PKIG: variants seen among roughly 807,000 people sequenced by gnomAD.
PKIG encodes the protein cAMP-dependent protein kinase inhibitor gamma.
Under a neutral mutation model 6.8 loss-of-function variants are expected in PKIG, and 1 was observed. That is an observed-to-expected ratio of 0.15 (90% CI 0.05 to 0.69). PKIG has a LOEUF of 0.69. Ranked by LOEUF, PKIG falls within the 30% of genes least tolerant of loss-of-function variation. The pLI is 0.82. For synonymous variants in PKIG, 39 were observed against 43.0 expected, an observed-to-expected ratio of 0.91 and a Z score of 0.36; for missense variants, 77 against 104.0, an observed-to-expected ratio of 0.74 and a Z score of 1.13.
chr20:44,558,671 CTCTT>C (rs747026586), intron 1 of PKIG, among the ~76,000 whole-genome samples: 22 of 143,280 alleles, frequency 1.5e-4, no homozygotes, highest in Middle Eastern at 3.6e-3. Context: ...CTTCCTCTCT[CTCTT>C]TCTTTCTTTC....
At chr20:44,548,872 AC>A (rs1366895608) in intron 1 of PKIG, among the ~76,000 whole-genome samples, 2 of 140,304 alleles carry the variant, frequency 1.4e-5, no homozygotes, top group Non-Finnish European at 3.0e-5. Context: ...ACACACACAC[AC>A]ACACACACAC....
chr20:44,566,401 G>T (rs1247822694), intron 1 of PKIG, among the ~76,000 whole-genome samples: 3 of 152,192 alleles, frequency 2.0e-5, no homozygotes, highest in Non-Finnish European at 4.4e-5. Flanking sequence ...AGTCCAGCAG[G>T]TGAGGTAAAT....
intron 1 of PKIG, among the ~76,000 whole-genome samples, chr20:44,538,038 C>A (rs750090459): frequency 6.6e-6 from 1 of 152,060 alleles, no homozygotes; most frequent in Non-Finnish European, 1.5e-5. Context: ...CTGACAGCCT[C>A]CTTTTGAGAG....
rs1179091449 is a variant in PKIG at position 44,571,930 on chromosome 20, G to A, written c.-240-10655G>A. Among the ~76,000 whole-genome samples the A allele has an allele frequency of 3.3e-5, 5 of 152,216 alleles. No individual in the cohort carries two copies. The East Asian group carries it at 9.6e-4, about 29-fold the overall frequency. On this transcript the variant is annotated intron_variant, in intron 1 of 4. Transcript: ENST00000372887. The stretch of plus-strand genomic sequence containing the variant: ...TACATATTGTGGATCTGTTCTGAAA[G>A]CCTTTAATCATCGTAGAAACGTTCT...
At chr20:44,585,861 C>G (rs1183834135) in intron 1 of PKIG, among the ~76,000 whole-genome samples, 2 of 152,138 alleles carry the variant, frequency 1.3e-5, no homozygotes, top group African/African-American at 2.4e-5. Flanking sequence ...CCGTTTCTTT[C>G]GATTTAGACA....
At position 44,614,484 on chromosome 20, in the gene PKIG, G is replaced by A; in HGVS notation, c.-23-50G>A. ...CTGGGGAACTGGAGCTGTCCTCTCT[G>A]CAGAATGCATCTGGACTTACCTCTG... On this transcript the variant is annotated intron_variant, in intron 2 of 3. Transcript: ENST00000372886. This position sits in a 1 kb window ranked among gnomAD's most constrained non-coding sequence, Gnocchi z 4.6. 1 of 1,391,068 alleles carries A rather than the reference G, an allele frequency of 7.2e-7. No homozygotes were observed. The highest frequency in any genetic ancestry group is 1.0e-6 in the Non-Finnish European group (1 of 992,022). The allele number at this position is 1,391,068 out of a possible 1,614,324, so 86.2% of individuals were successfully genotyped here. A position where few individuals can be genotyped will look rare whatever the true frequency, so the allele number is the denominator to read the frequency against.
intron 1 of PKIG, among the ~76,000 whole-genome samples, chr20:44,532,641 G>A (rs2064477141): frequency 6.6e-6 from 1 of 152,198 alleles, no homozygotes; most frequent in African/African-American, 2.4e-5. Flanking sequence ...TGGACATACA[G>A]GGGGGCTGTG....
intron 2 of PKIG, among the ~76,000 whole-genome samples, chr20:44,610,492 T>TCACACACACA (rs1568835327): frequency 6.9e-4 from 80 of 116,088 alleles, no homozygotes; most frequent in African/African-American, 3.2e-3. Context: ...CTCTTCTCTC[T>TCACACACACA]CTCTCTCTCA....
chr20:44,603,339 C>T (rs1334205701), intron 2 of PKIG, among the ~76,000 whole-genome samples: 1 of 152,210 alleles, frequency 6.6e-6, no homozygotes, highest in Admixed American at 6.5e-5. Context: ...TCACTTACTA[C>T]ACTTTTTGCA....
chr20:44,537,214 C>T (rs2064520579), intron 1 of PKIG, among the ~76,000 whole-genome samples: 1 of 152,228 alleles, frequency 6.6e-6, no homozygotes, highest in African/African-American at 2.4e-5. Context: ...AAGCGATTCT[C>T]ATGCCTCAGC....
At chr20:44,586,166 G>A (rs1189153231) in intron 1 of PKIG, among the ~76,000 whole-genome samples, 2 of 152,196 alleles carry the variant, frequency 1.3e-5, no homozygotes, top group African/African-American at 4.8e-5. Context: ...TTCTCTTTCT[G>A]TCAAGTGGGG....
chr20:44,543,404 A>G (rs1411951782), intron 1 of PKIG, among the ~76,000 whole-genome samples: 12 of 152,068 alleles, frequency 7.9e-5, no homozygotes, highest in Non-Finnish European at 1.5e-4. Flanking sequence ...GTTCTTTATC[A>G]GGCCTCGTAC....
intron 2 of PKIG, among the ~76,000 whole-genome samples, chr20:44,606,537 G>A (rs1236420593): frequency 6.6e-6 from 1 of 152,162 alleles, no homozygotes; most frequent in East Asian, 1.9e-4. Flanking sequence ...GGCCAGGCAT[G>A]GTGGCTCACG....
At chr20:44,568,282 G>A (rs2064826416) in intron 1 of PKIG, among the ~76,000 whole-genome samples, 1 of 151,970 alleles carries the variant, frequency 6.6e-6, no homozygotes, top group Non-Finnish European at 1.5e-5. Context: ...TAGAAGTAAT[G>A]CTATATTTTA....
chr20:44,605,546 G>A (rs187997133), intron 2 of PKIG, among the ~76,000 whole-genome samples: 8 of 152,102 alleles, frequency 5.3e-5, no homozygotes, highest in African/African-American at 1.9e-4. Context: ...AAAAATTAAG[G>A]TGGCTCGCTA....
chr20:44,540,913 T>G (rs1011572212), intron 1 of PKIG, among the ~76,000 whole-genome samples: 2 of 152,126 alleles, frequency 1.3e-5, no homozygotes, highest in Non-Finnish European at 2.9e-5. Flanking sequence ...TGGTTATACT[T>G]GAGGTAGAGT....
At chr20:44,586,020 G>C (rs1439678877) in intron 1 of PKIG, among the ~76,000 whole-genome samples, 1 of 152,192 alleles carries the variant, frequency 6.6e-6, no homozygotes, top group Non-Finnish European at 1.5e-5. Flanking sequence ...AGTTCAGTGA[G>C]AAATTGGAAA....
intron 1 of PKIG, among the ~76,000 whole-genome samples, chr20:44,587,375 A>G (rs1371569715): frequency 1.3e-5 from 2 of 152,146 alleles, no homozygotes; most frequent in African/African-American, 2.4e-5. Flanking sequence ...ATTAGGGAGC[A>G]ACTGAGAGCT....
chr20:44,586,233 C>T (rs1028993747), intron 1 of PKIG, among the ~76,000 whole-genome samples: 1 of 152,250 alleles, frequency 6.6e-6, no homozygotes, highest in Non-Finnish European at 1.5e-5. Context: ...AGATAGGGCT[C>T]ATAAAGCACT....
Sources: gnomAD v4.1 joint callset for allele counts (sites outside exome capture counted in the v4.1 genomes callset) on GRCh38, gnomAD v4.1.1 for gene constraint, Gnocchi (gnomAD v3.1) non-coding constraint, MANE v1.5 for transcripts, NCBI Gene and HGNC (gene_info 2026-07-23, HGNC 2026-07-21) for gene names.